The following SLIT3 variants were observed in gnomAD, a reference collection of about 807,000 sequenced individuals.
SLIT3 encodes slit homolog 3 protein.
A neutral mutation model predicts 184.0 loss-of-function variants in SLIT3; 68 were observed. That is an observed-to-expected ratio of 0.37 (90% CI 0.30 to 0.45). The LOEUF (loss-of-function observed/expected upper bound fraction) is 0.45. SLIT3 is among the 20% of genes least tolerant of loss of function. SLIT3 has a pLI of 1.00. For missense variants in SLIT3, 1,707 were observed against 2,026.0 expected, an observed-to-expected ratio of 0.84 and a Z score of 3.02; for synonymous variants, 831 against 828.6, an observed-to-expected ratio of 1.00 and a Z score of -0.05.
intron 4 of SLIT3, among the ~76,000 whole-genome samples, chr5:168,903,235 G>C (rs887223715): frequency 4.6e-5 from 7 of 152,188 alleles, no homozygotes; most frequent in Non-Finnish European, 8.8e-5. Flanking sequence ...TCTCTGCAGT[G>C]AGGGATAAGC....
At chr5:169,137,300 C>T (rs1396654441) in intron 4 of SLIT3, among the ~76,000 whole-genome samples, 2 of 118,500 alleles carry the variant, frequency 1.7e-5, no homozygotes, top group Admixed American at 1.7e-4. Context: ...CTCTTTCTAT[C>T]TACATACACA....
At chr5:169,045,075 A>G (rs1307400772) in intron 4 of SLIT3, among the ~76,000 whole-genome samples, 1 of 152,236 alleles carries the variant, frequency 6.6e-6, no homozygotes, top group East Asian at 1.9e-4. Context: ...GTTTCATAGA[A>G]GAACTTCAAG....
rs1276144423 is a variant in SLIT3 at position 168,669,814 on chromosome 5, C to A, written c.4305G>T (p.Gln1435His). The change falls in exon 35 of 36, where the codon CAG becomes CAT. Residue 1435 changes from glutamine to histidine, a missense_variant. By Grantham distance (24) the Gln-to-His change is conservative. This residue lies in a region of SLIT3 where 387 missense variants were observed against 477.9 expected (regional missense o/e 0.81). Transcript: ENST00000519560. Reference protein sequence around the residue: ...SDQGEPYCLCQPGFSGEHCQQ... With the variant: ...SDQGEPYCLCHPGFSGEHCQQ... Reference sequence around the variant, plus strand: ...GGCAGTGCTCGCCGCTAAAGCCGGGCTGGCACAGGCAGTAGGGCTCCCCTT... The same window carrying A: ...GGCAGTGCTCGCCGCTAAAGCCGGGATGGCACAGGCAGTAGGGCTCCCCTT... 1 of 1,613,976 alleles carries A rather than the reference C, an allele frequency of 6.2e-7. No homozygotes were observed. The highest frequency in any genetic ancestry group is 1.1e-5 in the South Asian group (1 of 91,072).
At chr5:168,972,336 C>CGTGTGTGTGTGT (rs1353519749) in intron 4 of SLIT3, among the ~76,000 whole-genome samples, 1,581 of 39,752 alleles carry the variant, frequency 0.04, 27 homozygotes, top group Non-Finnish European at 0.046. Context: ...TGCAGGACAA[C>CGTGTGTGTGTGT]ATGTGTGTGT....
rs140552522 is a variant in SLIT3 at position 168,835,938 on chromosome 5, T to C, written c.557+8646A>G. On this transcript the variant is annotated intron_variant, in intron 6 of 35. Transcript: ENST00000519560. ...TGCCTTGGCATTGGGATTACAGGCA[T>C]GATCTACTTCACCTGGTCCATCCCT... 3.7e-3 allele frequency among the ~76,000 whole-genome samples: 568 copies of C among 152,350 alleles called. 2 individuals are homozygous for C. The highest frequency in any genetic ancestry group is 0.01 in the Middle Eastern group (3 of 294).
chr5:168,774,902 A>G lies in SLIT3; in HGVS notation c.1152-524T>C, dbSNP rs139104345. Among the ~76,000 whole-genome samples the G allele has an allele frequency of 9.5e-4, 145 of 152,290 alleles. 1 individual carries two copies. In the East Asian group the frequency reaches 0.022, roughly 24 times the overall value. On this transcript the variant is annotated intron_variant, in intron 12 of 35. Coordinates refer to ENST00000519560, the MANE Select transcript of SLIT3 (RefSeq NM_003062.4). ...TGTAGGCAGGCACATGTGCATACAT[A>G]TGGATTCTCTGTCATACACACATGT...
At chr5:168,884,013 T>C (rs561992692) in intron 4 of SLIT3, among the ~76,000 whole-genome samples, 12 of 152,110 alleles carry the variant, frequency 7.9e-5, no homozygotes, top group African/African-American at 2.6e-4. Context: ...GGGTGAGGGA[T>C]AGTGTCAGGT....
chr5:169,154,810 T>C (rs1197863602), intron 4 of SLIT3, among the ~76,000 whole-genome samples: 2 of 152,196 alleles, frequency 1.3e-5, no homozygotes, highest in African/African-American at 4.8e-5. Flanking sequence ...TAGTTTGAAA[T>C]ATGTAGCAAA....
intron 5 of SLIT3, among the ~76,000 whole-genome samples, chr5:168,869,835 A>G (rs77934415): frequency 1.3e-5 from 2 of 152,236 alleles, no homozygotes; most frequent in African/African-American, 4.8e-5. Flanking sequence ...GGAACGGATC[A>G]TTGGCATTTA....
intron 4 of SLIT3, among the ~76,000 whole-genome samples, chr5:169,119,699 C>T (rs905159335): frequency 4.6e-5 from 7 of 151,794 alleles, no homozygotes. Flanking sequence ...TGGCTAAACA[C>T]CCAACTGTGG....
chr5:168,895,735 G>A (rs1381270631), intron 4 of SLIT3, among the ~76,000 whole-genome samples: 1 of 152,154 alleles, frequency 6.6e-6, no homozygotes, highest in African/African-American at 2.4e-5. Context: ...TCACACCTGT[G>A]GATGTGCTGA....
intron 4 of SLIT3, among the ~76,000 whole-genome samples, chr5:168,954,886 CT>C (rs1345582536): frequency 2.0e-5 from 3 of 152,238 alleles, no homozygotes; most frequent in Admixed American, 2.0e-4. Context: ...AATGAAAGCT[CT>C]GGAGTTTTAA....
At chr5:169,176,917 G>C (rs1763005401) in intron 4 of SLIT3, among the ~76,000 whole-genome samples, 1 of 152,162 alleles carries the variant, frequency 6.6e-6, no homozygotes, top group African/African-American at 2.4e-5. Context: ...TCCACCTCGA[G>C]GGCTCCAGAG....
chr5:169,169,044 G>C (rs932302064), intron 4 of SLIT3, among the ~76,000 whole-genome samples: 2 of 152,124 alleles, frequency 1.3e-5, no homozygotes, highest in African/African-American at 2.4e-5. Flanking sequence ...GAGTGGGGGG[G>C]GGATCACCTT....
chr5:168,748,516 C>T, intron 19 of SLIT3, 82 bp from the exon 20 acceptor site: 1 of 1,360,332 alleles, frequency 7.4e-7, no homozygotes, highest in Non-Finnish European at 9.7e-7. Context: ...TGCGTGTTCT[C>T]CACAAAGACA....
chr5:169,025,181 G>A (rs748729312), intron 4 of SLIT3, among the ~76,000 whole-genome samples: 21 of 152,176 alleles, frequency 1.4e-4, no homozygotes, highest in Non-Finnish European at 2.4e-4. Flanking sequence ...GCAGAGTTAA[G>A]AGAGGGGATT....
At chr5:169,003,815 G>A (rs1003978000) in intron 4 of SLIT3, among the ~76,000 whole-genome samples, 5 of 151,986 alleles carry the variant, frequency 3.3e-5, no homozygotes, top group Non-Finnish European at 7.3e-5. Flanking sequence ...TAATGTTGGG[G>A]TTGTGGCTGA....
At chr5:168,964,938 G>A (rs1250900141) in intron 4 of SLIT3, among the ~76,000 whole-genome samples, 1 of 152,200 alleles carries the variant, frequency 6.6e-6, no homozygotes, top group Admixed American at 6.5e-5. Flanking sequence ...TCCAAAAGCA[G>A]TCTGCAGGTC....
chr5:169,022,558 T>C (rs762905914), intron 4 of SLIT3, among the ~76,000 whole-genome samples: 7 of 152,228 alleles, frequency 4.6e-5, no homozygotes, highest in Admixed American at 2.6e-4. Context: ...ACCCACTATG[T>C]ATTTCCTATG....
Sources: allele counts gnomAD v4.1 joint callset (sites outside exome capture counted in the v4.1 genomes callset), GRCh38; gene constraint gnomAD v4.1.1; regional missense constraint gnomAD v4.1.1; transcripts MANE v1.5; gene names NCBI Gene and HGNC (gene_info 2026-07-23, HGNC 2026-07-21).